Variants in ABLIM3 observed in about 807,000 individuals in gnomAD.
ABLIM3 encodes actin binding LIM protein family member 3.
ABLIM3 carries 61 observed loss-of-function variants against 109.5 expected under a neutral mutation model. That is an observed-to-expected ratio of 0.56 (90% CI 0.45 to 0.69). The LOEUF is 0.69. Ranked by LOEUF, ABLIM3 falls within the 30% of genes least tolerant of loss-of-function variation. The pLI is 0.00. For missense variants in ABLIM3, 796 were observed against 889.5 expected, an observed-to-expected ratio of 0.89 and a Z score of 1.34; for synonymous variants, 300 against 324.8, an observed-to-expected ratio of 0.92 and a Z score of 0.82.
intron 2 of ABLIM3, among the ~76,000 whole-genome samples, chr5:149,180,215 G>A (rs1324084817): frequency 1.3e-5 from 2 of 152,120 alleles, no homozygotes; most frequent in African/African-American, 4.8e-5. Flanking sequence ...TCACCCATAA[G>A]AAAAATGTTA....
At chr5:149,144,722 C>G (rs1471784365) in intron 2 of ABLIM3, among the ~76,000 whole-genome samples, 1 of 152,174 alleles carries the variant, frequency 6.6e-6, no homozygotes, top group Non-Finnish European at 1.5e-5. Context: ...GTGGCTTCTT[C>G]AAGTCATGCA....
chr5:149,234,016 T>C (rs1178922894), intron 10 of ABLIM3, among the ~76,000 whole-genome samples: 1 of 152,244 alleles, frequency 6.6e-6, no homozygotes, highest in African/African-American at 2.4e-5. Flanking sequence ...CACAGTGCTC[T>C]GCTCTGGGGA....
Position 149,210,772 on chromosome 5 carries a change from AT to A in ABLIM3, c.624del (p.Lys209AsnfsTer63). The A allele has an allele frequency of 6.2e-7, 1 of 1,614,160 alleles. No homozygotes were observed. Among genetic ancestry groups the A allele is most frequent in the Non-Finnish European group, 8.5e-7 (1 of 1,179,998 alleles). On this transcript the variant is annotated frameshift_variant, in exon 7 of 24. Transcript: ENST00000309868. LOFTEE classifies it high-confidence loss of function. Reference sequence around the variant, plus strand: ...GTCCGACTACCATGCCCAGTTTGGCATTAAATGTGAGACTTGTGACCGATAC... The same window carrying A: ...GTCCGACTACCATGCCCAGTTTGGCATAAATGTGAGACTTGTGACCGATAC... ...CESDYHAQFG[I>X]KCETCDRYIS...
intron 2 of ABLIM3, among the ~76,000 whole-genome samples, chr5:149,163,097 T>G (rs1468261916): frequency 6.6e-6 from 1 of 152,218 alleles, no homozygotes; most frequent in East Asian, 1.9e-4. Flanking sequence ...GGAGTCTGGC[T>G]TTATCCCAAG....
intron 13 of ABLIM3, 124 bp from the exon 14 acceptor site, chr5:149,240,552 G>C (rs2127559208): frequency 1.3e-6 from 1 of 749,114 alleles, no homozygotes; most frequent in Non-Finnish European, 2.3e-6. Context: ...AGCACGCTGA[G>C]ACGCCCCAGC....
At chr5:149,227,070 CAAAAAAAAAAA>C (rs70973514) in intron 8 of ABLIM3, among the ~76,000 whole-genome samples, 3 of 96,306 alleles carry the variant, frequency 3.1e-5, no homozygotes, top group Middle Eastern at 5.8e-3. Context: ...AACTCCATCT[CAAAAAAAAAAA>C]AAAAAAAAAA....
chr5:149,182,288 C>T (rs918524536), intron 2 of ABLIM3, among the ~76,000 whole-genome samples: 18 of 152,208 alleles, frequency 1.2e-4, no homozygotes, highest in African/African-American at 4.3e-4. Flanking sequence ...AGGTGGTTAT[C>T]TTTATAACCA....
intron 18 of ABLIM3, among the ~76,000 whole-genome samples, chr5:149,248,689 CAAAAAA>C (rs10659679): frequency 1.3e-5 from 1 of 79,000 alleles, no homozygotes. Context: ...GACTCTCTCT[CAAAAAA>C]AAAAAAAAAA....
chr5:149,258,104 C>A (rs1484725168), intron 23 of ABLIM3, among the ~76,000 whole-genome samples, 187 bp from the exon 24 acceptor site: 3 of 152,190 alleles, frequency 2.0e-5, no homozygotes, highest in African/African-American at 7.2e-5. Flanking sequence ...GGAAAATGTT[C>A]ATTCCATATT....
intron 8 of ABLIM3, chr5:149,220,967 T>C (rs1183159247): frequency 6.6e-6 from 1 of 152,216 alleles, no homozygotes; most frequent in East Asian, 1.9e-4. Context: ...CAGTGCCAAA[T>C]AGAAGTGTAA....
At chr5:149,249,573 C>T (rs1753734451) in intron 18 of ABLIM3, among the ~76,000 whole-genome samples, 1 of 152,142 alleles carries the variant, frequency 6.6e-6, no homozygotes, top group Non-Finnish European at 1.5e-5. Context: ...ATCTGTGCAA[C>T]AAATATCACA....
chr5:149,176,134 C>T (rs1755906765), intron 2 of ABLIM3, among the ~76,000 whole-genome samples: 1 of 152,172 alleles, frequency 6.6e-6, no homozygotes, highest in Non-Finnish European at 1.5e-5. Context: ...GCTGCCAACA[C>T]CTGCAGCACT....
chr5:149,237,307 A>C (rs1011969298), intron 10 of ABLIM3, 141 bp from the exon 11 acceptor site: 12 of 864,186 alleles, frequency 1.4e-5, no homozygotes, highest in Non-Finnish European at 2.1e-5. Flanking sequence ...ACATTCTACT[A>C]TTCTTCAATT....
At chr5:149,244,258 C>G (rs79560758) in intron 15 of ABLIM3, 1 of 153,010 alleles carries the variant, frequency 6.5e-6, no homozygotes, top group East Asian at 1.9e-4. Flanking sequence ...GCCAGCAGAC[C>G]GATTCTGACA....
At chr5:149,161,544 C>G (rs1248134932) in intron 2 of ABLIM3, among the ~76,000 whole-genome samples, 1 of 152,190 alleles carries the variant, frequency 6.6e-6, no homozygotes, top group Non-Finnish European at 1.5e-5. Context: ...CTGGCCCACA[C>G]GTTAATTATT....
At chr5:149,210,939 C>T in intron 7 of ABLIM3, 120 bp downstream of exon 7, 1 of 884,524 alleles carries the variant, frequency 1.1e-6, no homozygotes, top group Non-Finnish European at 1.9e-6. Flanking sequence ...ACCTCCTCCA[C>T]CTTTGCTTGC....
At chr5:149,210,898 G>C (rs1437741951) in intron 7 of ABLIM3, 79 bp downstream of exon 7, 29 of 1,334,032 alleles carry the variant, frequency 2.2e-5, no homozygotes, top group Non-Finnish European at 3.0e-5. Context: ...GAAGGAGAAA[G>C]TCATCCCATA....
chr5:149,171,213 C>G (rs1755388169), intron 2 of ABLIM3, among the ~76,000 whole-genome samples: 2 of 152,132 alleles, frequency 1.3e-5, no homozygotes, highest in Admixed American at 1.3e-4. Flanking sequence ...CCTACCCTAG[C>G]CTGGAACTTC....
chr5:149,249,564 T>C (rs1278443406), intron 18 of ABLIM3, among the ~76,000 whole-genome samples: 1 of 152,150 alleles, frequency 6.6e-6, no homozygotes, highest in African/African-American at 2.4e-5. Context: ...TTCAACCACA[T>C]CTGTGCAACA....
Sources: gnomAD v4.1 joint callset for allele counts (sites outside exome capture counted in the v4.1 genomes callset) on GRCh38, gnomAD v4.1.1 for gene constraint, MANE v1.5 for transcripts, NCBI Gene and HGNC (gene_info 2026-07-23, HGNC 2026-07-21) for gene names.